The following GPM6A variants were observed in gnomAD, a reference collection of about 807,000 sequenced individuals.
GPM6A encodes glycoprotein M6A, also known as neuronal membrane glycoprotein M6-a.
A neutral mutation model predicts 32.1 loss-of-function variants in GPM6A; 7 were observed. The observed-to-expected ratio is 0.22, with a 90% CI of 0.12 to 0.41. GPM6A has a LOEUF of 0.41. Ranked by LOEUF, GPM6A falls within the 10% of genes least tolerant of loss-of-function variation. The probability of loss-of-function intolerance (pLI) is 1.00; values close to 1 mark genes in which losing one functional copy is unlikely to be tolerated. For missense variants in GPM6A, 235 were observed against 347.2 expected (o/e 0.68, Z 2.57); for synonymous variants, 130 against 123.4 (o/e 1.05, Z -0.35).
At chr4:175,737,335 C>T (rs998722684) in intron 1 of GPM6A, among the ~76,000 whole-genome samples, 5 of 151,574 alleles carry the variant, frequency 3.3e-5, no homozygotes, top group African/African-American at 7.3e-5. Context: ...CCTGCACGCC[C>T]GTAATCCTGC....
intron 1 of GPM6A, among the ~76,000 whole-genome samples, chr4:175,838,112 G>GACACACACACACACACACAC: frequency 7.0e-6 from 1 of 141,976 alleles, no homozygotes; most frequent in African/African-American, 2.6e-5. Flanking sequence ...CACACACACA[G>GACACACACACACACACACAC]ACACACACAC....
upstream of GPM6A, chr4:175,812,430 G>A (rs1002283886): frequency 1.1e-5 from 14 of 1,290,200 alleles, no homozygotes; most frequent in African/African-American, 1.8e-4. Flanking sequence ...GAGACAGGCT[G>A]TCAAGTGTAA....
At chr4:175,945,859 TATTAC>T (rs1179137251) in intron 1 of GPM6A, among the ~76,000 whole-genome samples, 5 of 152,076 alleles carry the variant, frequency 3.3e-5, no homozygotes, top group African/African-American at 1.2e-4. Flanking sequence ...TACGGGTGCA[TATTAC>T]GTACAACTCA....
intron 1 of GPM6A, among the ~76,000 whole-genome samples, chr4:175,953,116 T>C (rs753309914): frequency 3.3e-5 from 5 of 152,048 alleles, no homozygotes; most frequent in Admixed American, 1.3e-4. Flanking sequence ...TGTTCTACTT[T>C]GATTCAAGAA....
intron 1 of GPM6A, among the ~76,000 whole-genome samples, chr4:175,790,591 G>T (rs1299335797): frequency 6.6e-6 from 1 of 152,070 alleles, no homozygotes; most frequent in Non-Finnish European, 1.5e-5. Context: ...TGACACCGGG[G>T]TGTACATGAT....
intron 1 of GPM6A, among the ~76,000 whole-genome samples, chr4:175,850,958 G>A (rs905404831): frequency 4.6e-5 from 7 of 151,750 alleles, no homozygotes; most frequent in Admixed American, 3.9e-4. Flanking sequence ...TCATGCATGT[G>A]TTCTTCCTAC....
At chr4:175,976,413 G>T (rs1465425874) in intron 1 of GPM6A, among the ~76,000 whole-genome samples, 1 of 150,354 alleles carries the variant, frequency 6.7e-6, no homozygotes, top group Non-Finnish European at 1.5e-5. Context: ...TGATCCTCCC[G>T]CCTCGGCCTC....
intron 1 of GPM6A, among the ~76,000 whole-genome samples, chr4:175,884,189 G>T (rs1737371668): frequency 6.6e-6 from 1 of 152,090 alleles, no homozygotes. Flanking sequence ...TCTTCAATTT[G>T]GGTTAATAGA....
chr4:175,804,913 C>T (rs368794139), intron 1 of GPM6A, among the ~76,000 whole-genome samples: 59 of 151,992 alleles, frequency 3.9e-4, no homozygotes, highest in Admixed American at 9.8e-4. Flanking sequence ...GGTGTGGTGG[C>T]GGGCGCCTGT....
intron 1 of GPM6A, chr4:175,962,547 C>T: frequency 4.4e-6 from 2 of 453,060 alleles, no homozygotes; most frequent in Non-Finnish European, 8.5e-6. Flanking sequence ...TCCCTGTACT[C>T]TCTGCTCTGC....
intron 1 of GPM6A, among the ~76,000 whole-genome samples, chr4:175,761,201 T>G (rs1732724447): frequency 6.6e-6 from 1 of 152,198 alleles, no homozygotes; most frequent in Non-Finnish European, 1.5e-5. Context: ...TGGAGTTCAC[T>G]GCAACCTCTG....
intron 1 of GPM6A, among the ~76,000 whole-genome samples, chr4:175,758,352 C>T (rs1579466515): frequency 6.6e-6 from 1 of 152,224 alleles, no homozygotes; most frequent in Middle Eastern, 3.4e-3. Flanking sequence ...TCAACAGTAG[C>T]ATTTTTACGA....
Position 176,000,324 on chromosome 4 carries a change from A to G in GPM6A, c.-23+1985T>C, listed in dbSNP as rs150820124. On this transcript the variant is annotated intron_variant, in intron 1 of 7. Transcript: ENST00000280187. ...TGTCAGATTACAGACAGGAAAGAGA[A>G]CTTCTAAGAGTTACAGACCAAGCTT... Among the ~76,000 whole-genome samples, 972 of 152,292 alleles carry G rather than the reference A, an allele frequency of 6.4e-3. 8 individuals carry two copies. The highest frequency in any genetic ancestry group is 0.022 in the African/African-American group (914 of 41,564).
At chr4:175,855,754 G>A (rs1228800272) in intron 1 of GPM6A, among the ~76,000 whole-genome samples, 1 of 152,214 alleles carries the variant, frequency 6.6e-6, no homozygotes, top group Admixed American at 6.5e-5. Flanking sequence ...TAATGGATTA[G>A]AGTTGAAGAT....
intron 1 of GPM6A, among the ~76,000 whole-genome samples, chr4:175,716,709 A>C (rs950453559): frequency 3.9e-5 from 6 of 152,194 alleles, no homozygotes; most frequent in Non-Finnish European, 5.9e-5. Flanking sequence ...TTAAATTCCA[A>C]ACAGGGCAAG....
chr4:175,984,031 A>G (rs1362987962), intron 1 of GPM6A, among the ~76,000 whole-genome samples: 1 of 151,942 alleles, frequency 6.6e-6, no homozygotes, highest in Non-Finnish European at 1.5e-5. Flanking sequence ...TGTCACACAC[A>G]CACACACACT....
intron 2 of GPM6A, among the ~76,000 whole-genome samples, chr4:175,675,476 C>T (rs928952269): frequency 1.3e-5 from 2 of 151,964 alleles, no homozygotes; most frequent in Non-Finnish European, 2.9e-5. Flanking sequence ...AATACAGCAC[C>T]AATATATAAG....
Position 175,748,528 on chromosome 4 carries a change from G to A in GPM6A, c.38-46761C>T, listed in dbSNP as rs146947962. ...TTTAAAATACATCATTTTTTTCTGA[G>A]CAGTAGGTGTCAACAGTGGGCTTAA... On this transcript the variant is annotated intron_variant, in intron 1 of 6. Transcript: ENST00000393658. Among the ~76,000 whole-genome samples, 82 of 152,202 alleles carry A rather than the reference G, an allele frequency of 5.4e-4. No homozygotes were observed. In the East Asian group the frequency reaches 0.016, roughly 29 times the overall value.
rs1322420204 is a variant in GPM6A at position 175,764,879 on chromosome 4, T to TATA, written c.37+47311_37+47312insTAT. Among the ~76,000 whole-genome samples the TATA allele has an allele frequency of 6.1e-5, 9 of 148,528 alleles. No homozygotes were observed. The East Asian group carries it at 1.8e-3, about 29-fold the overall frequency. On this transcript the variant is annotated intron_variant, in intron 1 of 6. Transcript: ENST00000393658. ...TTATTATTATTATTATTATTATTAT[T>TATA]ATTATTATTTTGATACAGAGTTTCA...
Sources: allele counts gnomAD v4.1 joint callset (sites outside exome capture counted in the v4.1 genomes callset), GRCh38; gene constraint gnomAD v4.1.1; transcripts MANE v1.5; gene names NCBI Gene and HGNC (gene_info 2026-07-23, HGNC 2026-07-21).